Variants in CACNA1I observed in about 807,000 individuals in gnomAD.
CACNA1I encodes calcium voltage-gated channel subunit alpha1 I, also known as voltage-dependent T-type calcium channel subunit alpha-1I.
A neutral mutation model predicts 201.6 loss-of-function variants in CACNA1I; 74 were observed. The observed-to-expected ratio is 0.37, with a 90% confidence interval of 0.30 to 0.45. CACNA1I has a LOEUF of 0.45. Ranked by LOEUF, CACNA1I falls within the 20% of genes least tolerant of loss-of-function variation. The pLI is 1.00. For missense variants in CACNA1I, 2,346 were observed against 3,138.1 expected (o/e 0.75, Z 6.03); for synonymous variants, 1,431 against 1,345.2 (o/e 1.06, Z -1.40).
At chr22:39,646,520 C>G in intron 7 of CACNA1I, 49 bp from the exon 8 acceptor site, 2 of 1,495,578 alleles carry the variant, frequency 1.3e-6, no homozygotes, top group East Asian at 4.9e-5. Context: ...ACCCTTCTGT[C>G]CCCTCCATCC....
intron 23 of CACNA1I, among the ~76,000 whole-genome samples, chr22:39,667,268 G>T (rs948411549): frequency 3.9e-5 from 6 of 152,210 alleles, no homozygotes; most frequent in African/African-American, 1.2e-4. Context: ...ACACTTTCTG[G>T]ATACCTTTGG....
Position 39,677,950 on chromosome 22 carries a change from C to T in CACNA1I, c.4934-37C>T, listed in dbSNP as rs374103827. The T allele has an allele frequency of 6.4e-5, 100 of 1,551,070 alleles. 1 individual carries two copies. Among genetic ancestry groups the T allele is most frequent in the Admixed American group, 1.5e-4 (8 of 52,528 alleles). Reference sequence around the variant, plus strand: ...GTCAGGGTGAGCCCCGCAGGCACTCCGCCATCGGGCAGGGCTGACCTCCTC... The same window carrying T: ...GTCAGGGTGAGCCCCGCAGGCACTCTGCCATCGGGCAGGGCTGACCTCCTC... On this transcript the variant is annotated intron_variant, in intron 30 of 36. Coordinates refer to ENST00000402142, the MANE Select transcript of CACNA1I (RefSeq NM_021096.4). This position sits in a 1 kb window ranked among gnomAD's most constrained non-coding sequence, Gnocchi z 4.8.
chr22:39,656,850 G>A (rs1426599987), intron 10 of CACNA1I: 9 of 496,054 alleles, frequency 1.8e-5, no homozygotes, highest in Admixed American at 1.5e-4. Context: ...ACTTGTGTTG[G>A]GCGTCAAATC....
intron 24 of CACNA1I, 92 bp from the exon 25 acceptor site, chr22:39,669,946 C>A: frequency 7.0e-7 from 1 of 1,437,722 alleles, no homozygotes; most frequent in Non-Finnish European, 9.8e-7. Context: ...TCAACACATG[C>A]CCACTCCATG....
intron 1 of CACNA1I, among the ~76,000 whole-genome samples, chr22:39,592,332 C>T (rs745903535): frequency 7.2e-5 from 11 of 152,234 alleles, no homozygotes; most frequent in South Asian, 4.2e-4. Flanking sequence ...GGAGGGTTTC[C>T]GTGTGAGTTT....
intron 3 of CACNA1I, among the ~76,000 whole-genome samples, chr22:39,607,508 C>T (rs759179165): frequency 1.5e-4 from 23 of 152,200 alleles, no homozygotes; most frequent in Non-Finnish European, 2.6e-4. Context: ...ACAGCTCATT[C>T]GACTGTCACA....
intron 4 of CACNA1I, among the ~76,000 whole-genome samples, chr22:39,620,012 T>TATCCATCCATCCATCCATCCATCC (rs564900279): frequency 3.2e-5 from 3 of 92,916 alleles, no homozygotes; most frequent in African/African-American, 9.0e-5. Context: ...TCCACCTGTC[T>TATCCATCCATCCATCCATCCATCC]ATCCATCCAT....
Position 39,685,804 on chromosome 22 carries a change from C to T in CACNA1I, c.6071C>T (p.Ser2024Phe). ...TCGCTGGACGCCAGCCCCAGCAGCT[C>T]CGCGGGCAGCCTGCAGACCACGCTC... The part of the protein sequence containing the change: ...DTSLDASPSS[S>F]AGSLQTTLED... Residue 2024 changes from serine to phenylalanine, a missense_variant, in exon 37 of 37, where the codon TCC becomes TTC. Ser to Phe is a radical substitution (Grantham distance 155). Around this residue, in one of 13 missense-constraint regions of CACNA1I, gnomAD observed 441 missense variants for 555.6 expected, o/e 0.79. Coordinates refer to ENST00000402142, the MANE Select transcript of CACNA1I (RefSeq NM_021096.4). The surrounding 1 kb of genome is among the most constrained non-coding windows in gnomAD (Gnocchi z 5.0). 1 of 1,496,412 alleles carries T rather than the reference C, an allele frequency of 6.7e-7. No individual in the cohort carries two copies. Among genetic ancestry groups the T allele is most frequent in the South Asian group, 1.2e-5 (1 of 80,804 alleles). 92.7% of individuals were successfully genotyped at this position (1,496,412 alleles called of 1,614,324 possible). A position where few individuals can be genotyped will look rare whatever the true frequency, so the allele number is the denominator to read the frequency against.
chr22:39,670,652 G>A, intron 25 of CACNA1I, 151 bp from the exon 26 acceptor site: 1 of 742,816 alleles, frequency 1.3e-6, no homozygotes, highest in Non-Finnish European at 2.4e-6. Flanking sequence ...GGGTGGAGGA[G>A]ATCTAACACT....
intron 25 of CACNA1I, among the ~76,000 whole-genome samples, chr22:39,670,451 G>A (rs1028287968): frequency 6.6e-6 from 1 of 152,224 alleles, no homozygotes; most frequent in Non-Finnish European, 1.5e-5. Context: ...CAACCTGAGT[G>A]AGGCTGTTGG....
intron 10 of CACNA1I, among the ~76,000 whole-genome samples, chr22:39,657,214 C>T (rs1934852566): frequency 6.6e-6 from 1 of 152,184 alleles, no homozygotes; most frequent in Non-Finnish European, 1.5e-5. Context: ...TGAACAATGC[C>T]ATTTGCAGGA....
intron 1 of CACNA1I, among the ~76,000 whole-genome samples, chr22:39,589,171 C>T (rs1932794128): frequency 6.6e-6 from 1 of 152,178 alleles, no homozygotes. Flanking sequence ...ACAAAATCAT[C>T]CCTGGTTGAA....
At chr22:39,601,828 T>C in intron 3 of CACNA1I, among the ~76,000 whole-genome samples, 2 of 74,364 alleles carry the variant, frequency 2.7e-5, no homozygotes, top group Non-Finnish European at 7.0e-5. Flanking sequence ...TTTCTCTCCT[T>C]CCTTCCTTCC....
At chr22:39,608,067 A>T (rs1428350665) in intron 3 of CACNA1I, among the ~76,000 whole-genome samples, 2 of 150,292 alleles carry the variant, frequency 1.3e-5, no homozygotes, top group Non-Finnish European at 3.0e-5. Flanking sequence ...ATGAGCCCAG[A>T]TCGTGCCACT....
intron 3 of CACNA1I, among the ~76,000 whole-genome samples, chr22:39,604,618 C>T (rs1195123882): frequency 6.6e-6 from 1 of 152,134 alleles, no homozygotes; most frequent in Non-Finnish European, 1.5e-5. Flanking sequence ...CATTCTGTCA[C>T]CCAGGCTGGA....
At chr22:39,598,941 GTTTTTTT>G (rs3044380) in intron 2 of CACNA1I, among the ~76,000 whole-genome samples, 6 of 68,266 alleles carry the variant, frequency 8.8e-5, no homozygotes, top group Admixed American at 2.3e-4. Context: ...TGCCTCTTGG[GTTTTTTT>G]TTTTTTTTTT....
chr22:39,665,859 C>T lies in CACNA1I; in HGVS notation c.3979-22C>T. 3.1e-6 allele frequency: 5 copies of T among 1,613,720 alleles called. No individual in the cohort carries two copies. Among genetic ancestry groups the T allele is most frequent in the Non-Finnish European group, 4.2e-6 (5 of 1,179,812 alleles). On this transcript the variant is annotated intron_variant, in intron 22 of 36. Coordinates refer to ENST00000402142, the MANE Select transcript of CACNA1I (RefSeq NM_021096.4). The surrounding 1 kb of genome is among the most constrained non-coding windows in gnomAD (Gnocchi z 5.5). ...TTGCAACCCTCACCTGTGAGAGCAC[C>T]AACCTCACCCCCTTTCCCCAGCTCT...
intron 3 of CACNA1I, among the ~76,000 whole-genome samples, chr22:39,610,277 G>T (rs1933349600): frequency 6.6e-6 from 1 of 152,130 alleles, no homozygotes; most frequent in African/African-American, 2.4e-5. Flanking sequence ...AGCCGTGGAG[G>T]CATCATTACA....
chr22:39,585,923 G>A (rs1932737778), intron 1 of CACNA1I, among the ~76,000 whole-genome samples: 2 of 151,648 alleles, frequency 1.3e-5, no homozygotes, highest in Non-Finnish European at 2.9e-5. Flanking sequence ...GCTCACGCCT[G>A]TAATCCCAGC....
Sources: gnomAD v4.1 joint callset for allele counts (sites outside exome capture counted in the v4.1 genomes callset) on GRCh38, gnomAD v4.1.1 for gene constraint, gnomAD v4.1.1 regional missense constraint, Gnocchi (gnomAD v3.1) non-coding constraint, MANE v1.5 for transcripts, NCBI Gene and HGNC (gene_info 2026-07-23, HGNC 2026-07-21) for gene names.